The following IL16 variants were observed in gnomAD, a reference collection of about 807,000 sequenced individuals.
The protein encoded by IL16 is interleukin 16, also known as pro-interleukin-16.
Under a neutral mutation model 110.1 loss-of-function variants are expected in IL16, and 67 were observed. The observed-to-expected ratio is 0.61, with a 90% confidence interval of 0.50 to 0.75. IL16 has a LOEUF of 0.75. Ranked by LOEUF, IL16 falls within the 30% of genes least tolerant of loss-of-function variation. IL16 has a pLI of 0.00. For synonymous variants in IL16, 689 were observed against 662.9 expected (o/e 1.04, Z -0.61); for missense variants, 1,545 against 1,655.0 (o/e 0.93, Z 1.15).
rs1900757587 is a variant in IL16 at position 81,309,743 on chromosome 15, G to A, written c.*945G>A. On this transcript the variant is annotated 3_prime_UTR_variant, in exon 19 of 19. Coordinates refer to ENST00000683961, the MANE Select transcript of IL16 (RefSeq NM_172217.5). ...CAGAAGGAACCAGCGTGTATATGAGGGTATCAAATAAAATTGCTACTACTT... is the reference window on the plus strand; with the variant it reads ...CAGAAGGAACCAGCGTGTATATGAGAGTATCAAATAAAATTGCTACTACTT... The A allele has an allele frequency of 6.6e-6, 1 of 152,090 alleles. No individual in the cohort carries two copies. Among genetic ancestry groups the A allele is most frequent in the Non-Finnish European group, 1.5e-5 (1 of 68,044 alleles). 9.4% of individuals were successfully genotyped at this position (152,090 alleles called of 1,614,324 possible). A position where few individuals can be genotyped will look rare whatever the true frequency, so the allele number is the denominator to read the frequency against.
intron 1 of IL16, among the ~76,000 whole-genome samples, chr15:81,200,361 TTTTA>T (rs1334296158): frequency 6.6e-6 from 1 of 151,778 alleles, no homozygotes; most frequent in Non-Finnish European, 1.5e-5. Flanking sequence ...TAAAAATTAT[TTTTA>T]TTTATTTATC....
Position 81,292,839 on chromosome 15 carries a change from C to T in IL16, c.1704C>T (p.Pro568=), listed in dbSNP as rs533400415. Residue 568 remains proline (P), a synonymous_variant, in exon 12 of 19, where the codon CCC becomes CCT. Transcript: ENST00000683961. ...CCAGGCTGCCCCAGGAGAGCCCACC[C>T]CTCCCAGAGAGCCGGGACAGCCACC... The part of the protein sequence containing the change: ...ASSRLPQESP[P]LPESRDSHPP... 2.5e-6 allele frequency: 4 copies of T among 1,614,040 alleles called. No individual in the cohort carries two copies. The highest frequency in any genetic ancestry group is 2.2e-5 in the East Asian group (1 of 44,882).
At chr15:81,201,596 G>C (rs748323507) in intron 1 of IL16, among the ~76,000 whole-genome samples, 29 of 151,988 alleles carry the variant, frequency 1.9e-4, no homozygotes, top group Non-Finnish European at 2.1e-4. Context: ...TGTGGTTTTT[G>C]TTTTTCCCTC....
intron 9 of IL16, 115 bp from the exon 10 acceptor site, chr15:81,285,583 A>G: frequency 1.8e-6 from 2 of 1,127,908 alleles, no homozygotes; most frequent in Non-Finnish European, 2.5e-6. Context: ...CTACTTATTC[A>G]TGTGATTTTT....
At chr15:81,285,555 TC>T in intron 9 of IL16, 142 bp from the exon 10 acceptor site, 1 of 793,456 alleles carries the variant, frequency 1.3e-6, no homozygotes, top group Non-Finnish European at 2.0e-6. Flanking sequence ...TGAGTTTTGG[TC>T]TGGTGGCTAG....
intron 2 of IL16, among the ~76,000 whole-genome samples, chr15:81,245,724 C>CTTTTTTTTTTTTTTTTTTTTT (rs1009292228): frequency 2.0e-4 from 12 of 61,282 alleles, no homozygotes; most frequent in East Asian, 5.1e-4. Context: ...TTTGTTTTGG[C>CTTTTTTTTTTTTTTTTTTTTT]TTTTTTTTTT....
intron 10 of IL16, chr15:81,290,021 T>G: frequency 5.3e-6 from 2 of 378,118 alleles, no homozygotes; most frequent in South Asian, 4.0e-5. Context: ...TACTCTTAAC[T>G]ATTACTCCAA....
At position 81,308,910 on chromosome 15, in the gene IL16, T is replaced by A; in HGVS notation, c.*112T>A. 1.0e-6 allele frequency: 1 copy of A among 968,492 alleles called. No homozygotes were observed. The highest frequency in any genetic ancestry group is 1.5e-6 in the Non-Finnish European group (1 of 661,262). 60.0% of individuals were successfully genotyped at this position (968,492 alleles called of 1,614,324 possible). A position where few individuals can be genotyped will look rare whatever the true frequency, so the allele number is the denominator to read the frequency against. On this transcript the variant is annotated 3_prime_UTR_variant, in exon 19 of 19. Coordinates refer to ENST00000683961, the MANE Select transcript of IL16 (RefSeq NM_172217.5). The stretch of plus-strand genomic sequence containing the variant: ...CCACCCAGATGGGGGAAAGCACAGG[T>A]GGGCTTCCCAGTGGCTGCTGCCCAG...
At chr15:81,192,213 T>C (rs780068158), upstream of IL16, among the ~76,000 whole-genome samples, 10 of 152,176 alleles carry the variant, frequency 6.6e-5, no homozygotes, top group Non-Finnish European at 1.5e-4. Flanking sequence ...AAATTGTGTG[T>C]GTGGAGAGGG....
intron 9 of IL16, among the ~76,000 whole-genome samples, chr15:81,283,670 G>T (rs1387023952): frequency 6.6e-6 from 1 of 152,134 alleles, no homozygotes; most frequent in Non-Finnish European, 1.5e-5. Context: ...CTTTGATGAG[G>T]TTAATCTATG....
rs267604343 is a variant in IL16, at chr15:81,308,688, C to T, written c.3889C>T (p.Arg1297Trp). The change falls in exon 19 of 19, where the codon CGG (arginine) becomes TGG (tryptophan). Residue 1297 changes from arginine to tryptophan, a missense_variant. Physicochemically the swap from Arg to Trp is moderately radical, Grantham distance 101 (BLOSUM62 -3). This residue lies in a region of IL16 where 356 missense variants were observed against 399.3 expected (regional missense o/e 0.89). Transcript: ENST00000683961. ...LGGTAMQGLT[R>W]FEAWNIIKAL... Reference sequence around the variant, plus strand: ...TGGCACTGCCATGCAGGGCCTCACACGGTTTGAAGCCTGGAACATCATCAA... The same window carrying T: ...TGGCACTGCCATGCAGGGCCTCACATGGTTTGAAGCCTGGAACATCATCAA... 48 of 1,613,572 alleles carry T rather than the reference C, an allele frequency of 3.0e-5. No individual in the cohort carries two copies. Among genetic ancestry groups the T allele is most frequent in the Middle Eastern group, 1.6e-4 (1 of 6,078 alleles).
intron 1 of IL16, among the ~76,000 whole-genome samples, chr15:81,213,647 T>C (rs1275402399): frequency 1.3e-5 from 2 of 152,246 alleles, no homozygotes; most frequent in African/African-American, 4.8e-5. Flanking sequence ...TATAATGCCC[T>C]TCATTGTCAC....
chr15:81,215,835 G>C (rs138416017), intron 1 of IL16, among the ~76,000 whole-genome samples: 6 of 152,278 alleles, frequency 3.9e-5, no homozygotes, highest in African/African-American at 1.2e-4. Flanking sequence ...CTGCTGTACT[G>C]TGGCCCTGGG....
At chr15:81,263,508 A>C (rs1187019709) in intron 3 of IL16, among the ~76,000 whole-genome samples, 1 of 152,098 alleles carries the variant, frequency 6.6e-6, no homozygotes, top group African/African-American at 2.4e-5. Context: ...CAATGTTCTG[A>C]AACAGTGGGC....
At position 81,232,967 on chromosome 15, in the gene IL16, A is replaced by G. The variant is rs926304074; in HGVS notation, c.312+7256A>G. On this transcript the variant is annotated intron_variant, in intron 2 of 18. Transcript: ENST00000683961. ...CTTTTTTAAAATGGTTGAAGAATTC[A>G]CCTATGAGCCGTCTGGGACTAGAGA... Among the ~76,000 whole-genome samples, 4 of 152,256 alleles carry G rather than the reference A, an allele frequency of 2.6e-5. No individual in the cohort carries two copies. The South Asian group carries it at 6.2e-4, about 24-fold the overall frequency.
chr15:81,219,068 T>C (rs565134255), intron 1 of IL16, among the ~76,000 whole-genome samples: 1 of 152,306 alleles, frequency 6.6e-6, no homozygotes, highest in South Asian at 2.1e-4. Context: ...GCTTAAGTTG[T>C]CCAGATACTA....
At position 81,299,515 on chromosome 15, in the gene IL16, G is replaced by A. The variant is rs371167182; in HGVS notation, c.2189G>A (p.Ser730Asn). 4.3e-6 allele frequency: 7 copies of A among 1,614,044 alleles called. No homozygotes were observed. The highest frequency in any genetic ancestry group is 5.1e-6 in the Non-Finnish European group (6 of 1,180,042). ...CIKNLFSPIM[S>N]ENHGHMPLQP... is the part of the protein sequence containing the mutation. The stretch of plus-strand genomic sequence containing the variant: ...AAAAACTTATTTAGCCCCATCATGA[G>A]TGAGAACCATGGCCACATGCCTCTA... The change falls in exon 14 of 19, where the codon AGT becomes AAT. Residue 730 changes from serine to asparagine, a missense_variant. This residue lies in a region of IL16 where 1,185 missense variants were observed against 1,238.8 expected (regional missense o/e 0.96). Coordinates refer to ENST00000683961, the MANE Select transcript of IL16 (RefSeq NM_172217.5).
intron 1 of IL16, among the ~76,000 whole-genome samples, chr15:81,190,286 T>C (rs952003924): frequency 6.6e-6 from 1 of 152,162 alleles, no homozygotes; most frequent in Non-Finnish European, 1.5e-5. Context: ...GCCTTAAAAA[T>C]AGCACCACCC....
chr15:81,254,606 G>A (rs145923056), intron 2 of IL16, among the ~76,000 whole-genome samples: 7 of 152,232 alleles, frequency 4.6e-5, no homozygotes, highest in Non-Finnish European at 8.8e-5. Flanking sequence ...CTCTGCCCAG[G>A]GCCACAGTCT....
Sources: allele counts gnomAD v4.1 joint callset (sites outside exome capture counted in the v4.1 genomes callset), GRCh38; gene constraint gnomAD v4.1.1; regional missense constraint gnomAD v4.1.1; transcripts MANE v1.5; gene names NCBI Gene and HGNC (gene_info 2026-07-23, HGNC 2026-07-21).